Variants in KDM2A observed in about 807,000 individuals in gnomAD.
KDM2A encodes lysine demethylase 2A, also known as lysine-specific demethylase 2A.
KDM2A carries 3 observed loss-of-function variants against 137.3 expected under a neutral mutation model. That is an observed-to-expected ratio of 0.02 (90% CI 0.01 to 0.06). The LOEUF (loss-of-function observed/expected upper bound fraction) is 0.06, where lower values mean the gene tolerates loss of function less well. KDM2A is among the 10% of genes least tolerant of loss of function. KDM2A has a pLI of 1.00. For missense variants in KDM2A, 738 were observed against 1,510.6 expected (o/e 0.49, Z 8.48); for synonymous variants, 512 against 541.5 (o/e 0.95, Z 0.76).
chr11:67,219,111 T>A (rs971726750), intron 9 of KDM2A, among the ~76,000 whole-genome samples, 177 bp from the exon 10 acceptor site: 8 of 152,242 alleles, frequency 5.3e-5, no homozygotes, highest in Non-Finnish European at 1.0e-4. Flanking sequence ...TAAGAGGTAT[T>A]ATTTATCCTG....
At chr11:67,168,780 T>C (rs1490292304) in intron 2 of KDM2A, among the ~76,000 whole-genome samples, 1 of 152,140 alleles carries the variant, frequency 6.6e-6, no homozygotes, top group East Asian at 1.9e-4. Flanking sequence ...AACAGCGTTT[T>C]AAAGTTCAGT....
intron 2 of KDM2A, among the ~76,000 whole-genome samples, chr11:67,161,668 A>C (rs574673207): frequency 6.6e-6 from 1 of 152,294 alleles, no homozygotes; most frequent in East Asian, 1.9e-4. Flanking sequence ...ATGATCTGGA[A>C]AAGTGGTTCT....
intron 2 of KDM2A, among the ~76,000 whole-genome samples, chr11:67,155,405 C>T (rs572301257): frequency 3.0e-4 from 46 of 151,530 alleles, no homozygotes; most frequent in African/African-American, 9.7e-4. Context: ...TACTCCTAGG[C>T]TCAAGCGATT....
chr11:67,150,361 G>A (rs576954280), intron 2 of KDM2A, among the ~76,000 whole-genome samples: 5 of 152,174 alleles, frequency 3.3e-5, no homozygotes, highest in Non-Finnish European at 7.3e-5. Flanking sequence ...CCACCACCTT[G>A]TTGGGCCAAA....
intron 2 of KDM2A, among the ~76,000 whole-genome samples, chr11:67,138,611 T>A (rs953336815): frequency 6.6e-6 from 1 of 152,282 alleles, no homozygotes; most frequent in Middle Eastern, 3.4e-3. Context: ...CAAAATCCCA[T>A]GTCTACCAAA....
At chr11:67,128,382 GC>G (rs1479075603) in intron 2 of KDM2A, among the ~76,000 whole-genome samples, 1 of 151,122 alleles carries the variant, frequency 6.6e-6, no homozygotes, top group African/African-American at 2.5e-5. Context: ...TTTATTTTAA[GC>G]CTTTTTTTTT....
Position 67,226,594 on chromosome 11 carries a change from C to T in KDM2A, c.958-1443C>T, listed in dbSNP as rs563668486. 1.5e-4 allele frequency among the ~76,000 whole-genome samples: 23 copies of T among 152,016 alleles called. No individual in the cohort carries two copies. The South Asian group carries it at 3.5e-3, about 23-fold the overall frequency. ...AAAATTAGCCGGGCGTGGTGGCGGG[C>T]GCTTGTAGTACCAGCTACTCAGGAG... On this transcript the variant is annotated intron_variant, in intron 10 of 20. Transcript: ENST00000529006.
At chr11:67,213,757 A>G (rs1488991177) in intron 6 of KDM2A, among the ~76,000 whole-genome samples, 1 of 120,308 alleles carries the variant, frequency 8.3e-6, no homozygotes, top group Non-Finnish European at 1.5e-5. Flanking sequence ...GACCGTCTCA[A>G]AAAAAAAAAA....
intron 2 of KDM2A, among the ~76,000 whole-genome samples, chr11:67,142,563 T>G (rs1174723191): frequency 4.3e-4 from 4 of 9,206 alleles, no homozygotes; most frequent in Admixed American, 1.5e-3. Flanking sequence ...GCCGGGGGGT[T>G]GGGGTTGGGG....
chr11:67,219,543 CAA>C (rs1222768737), intron 10 of KDM2A, 140 bp downstream of exon 10: 2 of 416,992 alleles, frequency 4.8e-6, no homozygotes, highest in Non-Finnish European at 8.3e-6. Context: ...TGGGAACACA[CAA>C]AATTTTAAAT....
chr11:67,249,818 A>G (rs957454108), intron 16 of KDM2A, among the ~76,000 whole-genome samples: 1 of 152,164 alleles, frequency 6.6e-6, no homozygotes, highest in African/African-American at 2.4e-5. Flanking sequence ...TGGGTGAAAG[A>G]GGTAAGTCAG....
At position 67,185,737 on chromosome 11, in the gene KDM2A, A is replaced by G. The variant is rs148848855; in HGVS notation, c.307+3845A>G. Among the ~76,000 whole-genome samples, 7 of 152,046 alleles carry G rather than the reference A, an allele frequency of 4.6e-5. 2 individuals are homozygous for G. Among genetic ancestry groups the G allele is most frequent in the African/African-American group, 1.7e-4 (7 of 41,466 alleles). On this transcript the variant is annotated intron_variant, in intron 5 of 20. Coordinates refer to ENST00000529006, the MANE Select transcript of KDM2A (RefSeq NM_012308.3). ...GGGATCTTTAAGAGATAATTAGGCT[A>G]CAGGGACTCCACTCTCATGGGTGGG...
At position 67,256,378 on chromosome 11, in the gene KDM2A, C is replaced by T. The variant is rs998487382; in HGVS notation, c.*1323C>T. On this transcript the variant is annotated 3_prime_UTR_variant, in exon 21 of 21. Coordinates refer to ENST00000529006, the MANE Select transcript of KDM2A (RefSeq NM_012308.3). ...AAAAAAAAAAGAAAGAAAGAAAGGT[C>T]GGAATTTCTTTTGGGTCAATATTTT... 2 of 152,384 alleles carry T rather than the reference C, an allele frequency of 1.3e-5. No individual in the cohort carries two copies. The highest frequency in any genetic ancestry group is 1.3e-4 in the Admixed American group (2 of 15,264). The allele number at this position is 152,384 out of a possible 1,614,324, so 9.4% of individuals were successfully genotyped here.
At chr11:67,138,405 C>T (rs1209689287) in intron 2 of KDM2A, among the ~76,000 whole-genome samples, 3 of 152,156 alleles carry the variant, frequency 2.0e-5, no homozygotes, top group Non-Finnish European at 2.9e-5. Context: ...TATTCACCTA[C>T]AAGGTTCTTA....
rs2136446224 is a variant in KDM2A, at chr11:67,242,993, T to C, written c.1480-16T>C. ...ACCCTGCCCTGATTTTTCCTTCTTTTCCCTCCTACCCTTAGATTTTGCTGG... is the reference window on the plus strand; with the variant it reads ...ACCCTGCCCTGATTTTTCCTTCTTTCCCCTCCTACCCTTAGATTTTGCTGG... On this transcript the variant is annotated splice_polypyrimidine_tract_variant and intron_variant, in intron 12 of 20. Coordinates refer to ENST00000529006, the MANE Select transcript of KDM2A (RefSeq NM_012308.3). The C allele has an allele frequency of 6.2e-7, 1 of 1,611,090 alleles. No homozygotes were observed. The highest frequency in any genetic ancestry group is 8.5e-7 in the Non-Finnish European group (1 of 1,177,398).
chr11:67,181,949 GA>G, intron 5 of KDM2A, 57 bp downstream of exon 5: 1 of 1,427,780 alleles, frequency 7.0e-7, no homozygotes, highest in Non-Finnish European at 9.9e-7. Context: ...ACTTAGGACT[GA>G]ATTAAATCTC....
Position 67,125,735 on chromosome 11 carries a change from C to T in KDM2A, c.42+4377C>T, listed in dbSNP as rs539879135. ...TGGAGGTTGCACTAAGCAGAGATTG[C>T]GCCACTGCACTCCAGCCTGGGCGAC... is the stretch of plus-strand genomic sequence containing the variant. On this transcript the variant is annotated intron_variant, in intron 2 of 20. Coordinates refer to ENST00000529006, the MANE Select transcript of KDM2A (RefSeq NM_012308.3). 2.6e-4 allele frequency among the ~76,000 whole-genome samples: 39 copies of T among 147,432 alleles called. No individual in the cohort carries two copies. In the East Asian group the frequency reaches 6.7e-3, roughly 25 times the overall value.
At position 67,119,990 on chromosome 11, in the gene KDM2A, C is replaced by T. The variant is rs1385870385; in HGVS notation, c.-143C>T. The T allele has an allele frequency of 6.6e-6, 1 of 152,314 alleles. No homozygotes were observed. The highest frequency in any genetic ancestry group is 1.5e-5 in the Non-Finnish European group (1 of 68,092). 9.4% of individuals were successfully genotyped at this position (152,314 alleles called of 1,614,324 possible). ...GACGACGTTTGGGATTTAATTATTCCTCTCAGCTTTGGAATCTTTTACTTC... is the reference window on the plus strand; with the variant it reads ...GACGACGTTTGGGATTTAATTATTCTTCTCAGCTTTGGAATCTTTTACTTC... On this transcript the variant is annotated 5_prime_UTR_variant, in exon 1 of 21. Coordinates refer to ENST00000529006, the MANE Select transcript of KDM2A (RefSeq NM_012308.3).
intron 10 of KDM2A, among the ~76,000 whole-genome samples, chr11:67,221,824 A>G (rs1038650435): frequency 1.3e-5 from 2 of 151,904 alleles, no homozygotes; most frequent in Non-Finnish European, 2.9e-5. Flanking sequence ...AATCCTAGCT[A>G]CTGGGGAGGC....
Sources: allele counts gnomAD v4.1 joint callset (sites outside exome capture counted in the v4.1 genomes callset), GRCh38; gene constraint gnomAD v4.1.1; transcripts MANE v1.5; gene names NCBI Gene and HGNC (gene_info 2026-07-23, HGNC 2026-07-21).